CP: variants seen among roughly 807,000 people sequenced by gnomAD.
The protein encoded by CP is caeruloplasmin.
A neutral mutation model predicts 122.4 loss-of-function variants in CP; 64 were observed. The observed-to-expected ratio is 0.52, with a 90% CI of 0.43 to 0.64. The LOEUF (loss-of-function observed/expected upper bound fraction) is 0.64. Among genes scored for constraint, CP ranks in the 30% least tolerant of loss-of-function variants. The probability of loss-of-function intolerance (pLI) is 0.00; values close to 1 mark genes in which losing one functional copy is unlikely to be tolerated. For synonymous variants in CP, 440 were observed against 436.4 expected (o/e 1.01, Z -0.10); for missense variants, 1,167 against 1,284.4 (o/e 0.91, Z 1.40).
chr3:149,193,705 G>A (rs1220111390), intron 9 of CP, among the ~76,000 whole-genome samples: 1 of 152,094 alleles, frequency 6.6e-6, no homozygotes, highest in Non-Finnish European at 1.5e-5. Flanking sequence ...ACCATTCCTT[G>A]TCAGCTTAAT....
chr3:149,203,224 T>C (rs1727472738), intron 6 of CP, among the ~76,000 whole-genome samples: 1 of 152,088 alleles, frequency 6.6e-6, no homozygotes, highest in Admixed American at 6.5e-5. Flanking sequence ...CTACTCTTTA[T>C]TGTGTATTAG....
intron 17 of CP, chr3:149,176,641 T>G (rs1349690025): frequency 8.2e-6 from 4 of 486,256 alleles, no homozygotes; most frequent in African/African-American, 2.0e-5. Context: ...TGAGAATGAA[T>G]TCATCAATCA....
chr3:149,182,449 C>T (rs1725847285), intron 13 of CP, among the ~76,000 whole-genome samples: 1 of 152,066 alleles, frequency 6.6e-6, no homozygotes, highest in Non-Finnish European at 1.5e-5. Flanking sequence ...CCAATCTTAG[C>T]TTGTCTCTTG....
At position 149,210,166 on chromosome 3, in the gene CP, C is replaced by T. The variant is rs386134136; in HGVS notation, c.607+1G>A. 2 of 1,613,784 alleles carry T rather than the reference C, an allele frequency of 1.2e-6. No individual in the cohort carries two copies. The highest frequency in any genetic ancestry group is 2.2e-5 in the East Asian group (1 of 44,856). ...GCATGTGCAATAAGGAGAAGATGTA[C>T]CTTTTTTACAGATTATTAAAGGTCC... On this transcript the variant is annotated splice_donor_variant, in intron 3 of 18. Coordinates refer to ENST00000264613, the MANE Select transcript of CP (RefSeq NM_000096.4). LOFTEE classifies it high-confidence loss of function.
intron 1 of CP, among the ~76,000 whole-genome samples, chr3:149,214,803 TAAC>T (rs915478363): frequency 2.6e-5 from 4 of 152,200 alleles, no homozygotes; most frequent in African/African-American, 9.7e-5. Context: ...ATATATGTCT[TAAC>T]AACAGCAAAA....
chr3:149,185,979 A>C (rs1035819819), intron 11 of CP: 1 of 174,680 alleles, frequency 5.7e-6, no homozygotes, highest in African/African-American at 2.4e-5. Context: ...TGATAAACCA[A>C]ATGAAGCCTG....
At chr3:149,176,052 T>C (rs1725395893) in intron 18 of CP, 198 bp downstream of exon 18, 7 of 589,810 alleles carry the variant, frequency 1.2e-5, no homozygotes, top group Admixed American at 2.9e-5. Flanking sequence ...AAGTACTGGC[T>C]GTCAGGAAAT....
chr3:149,166,609 C>A lies in CP; in HGVS notation c.587-559G>T, dbSNP rs149444589. Among the ~76,000 whole-genome samples the A allele has an allele frequency of 6.7e-3, 1,015 of 152,110 alleles. 5 individuals carry two copies. The highest frequency in any genetic ancestry group is 0.011 in the Non-Finnish European group (768 of 67,988). Reference sequence around the variant, plus strand: ...GTAATGTTCCATTATCTGAGTGTGCCATATGTATTTACTCATCCTTTGTTG... The same window carrying A: ...GTAATGTTCCATTATCTGAGTGTGCAATATGTATTTACTCATCCTTTGTTG... On this transcript the variant is annotated intron_variant, in intron 4 of 5. Coordinates refer to the CP transcript ENST00000479771.
intron 8 of CP, 143 bp downstream of exon 8, chr3:149,199,569 T>C: frequency 9.9e-7 from 1 of 1,008,384 alleles, no homozygotes; most frequent in African/African-American, 1.6e-5. Flanking sequence ...GGGGTTTATT[T>C]GTTTCCTGGC....
At chr3:149,208,099 T>A (rs1261199071) in intron 4 of CP, among the ~76,000 whole-genome samples, 1 of 152,158 alleles carries the variant, frequency 6.6e-6, no homozygotes, top group Non-Finnish European at 1.5e-5. Context: ...AATAGCTTTT[T>A]TTTAAAGATT....
intron 1 of CP, among the ~76,000 whole-genome samples, chr3:149,220,484 C>T (rs1294604743): frequency 1.0e-3 from 2 of 1,988 alleles, no homozygotes; most frequent in African/African-American, 3.7e-3. Context: ...CACCTTAAAA[C>T]CAGGTTAAAA....
chr3:149,221,472 C>G (rs572560179), intron 1 of CP, among the ~76,000 whole-genome samples, 175 bp downstream of exon 1: 1 of 151,916 alleles, frequency 6.6e-6, no homozygotes, highest in African/African-American at 2.4e-5. Flanking sequence ...GGGTAGTCCA[C>G]CAAATAAAAA....
intron 18 of CP, 83 bp from the exon 19 acceptor site, chr3:149,173,813 A>AT: frequency 1.5e-6 from 1 of 666,110 alleles, no homozygotes; most frequent in East Asian, 2.9e-5. Flanking sequence ...ATGTATTCCA[A>AT]TTTTTAATGT....
Position 149,188,091 on chromosome 3 carries a change from T to C in CP, c.1825A>G (p.Lys609Glu). 2 of 1,612,234 alleles carry C rather than the reference T, an allele frequency of 1.2e-6. No individual in the cohort carries two copies. The highest frequency in any genetic ancestry group is 1.7e-6 in the Non-Finnish European group (2 of 1,179,844). The part of the protein sequence containing the change: ...MFTTAPDQVD[K>E]EDEDFQESNK... The stretch of plus-strand genomic sequence containing the variant: ...GATTCCTGAAAGTCTTCATCTTCCT[T>C]ATCCACCTGATCAGGTGCAGTTGTA... Residue 609 changes from lysine (K) to glutamate (E), a missense_variant, in exon 10 of 19, where the codon AAG becomes GAG. Lys to Glu is a moderately conservative substitution (Grantham distance 56, BLOSUM62 1). Transcript: ENST00000264613.
chr3:149,197,143 T>C (rs1347590770), intron 9 of CP, among the ~76,000 whole-genome samples: 4 of 152,076 alleles, frequency 2.6e-5, no homozygotes, highest in African/African-American at 4.8e-5. Flanking sequence ...GGCCCCACAC[T>C]TATCTCCCTT....
At position 149,207,587 on chromosome 3, in the gene CP, G is replaced by C; in HGVS notation, c.812C>G (p.Pro271Arg). ...SVNGYTFGSLPGLSMCAEDRV... is the reference protein window; with the variant it reads ...SVNGYTFGSLRGLSMCAEDRV... The stretch of plus-strand genomic sequence containing the variant: ...GTCTTCAGCACACATGGAGAGTCCT[G>C]GGAGACTTCCAAAAGTGTATCCATT... The change falls in exon 5 of 19, where the codon CCA becomes CGA. Residue 271 changes from proline to arginine, a missense_variant. Pro to Arg is a moderately radical substitution (Grantham distance 103, BLOSUM62 -2). Transcript: ENST00000264613. The C allele has an allele frequency of 6.2e-7, 1 of 1,613,898 alleles. No individual in the cohort carries two copies. Among genetic ancestry groups the C allele is most frequent in the Non-Finnish European group, 8.5e-7 (1 of 1,179,800 alleles).
At chr3:149,163,052 A>C (rs968933734) in intron 5 of CP, among the ~76,000 whole-genome samples, 48 of 152,182 alleles carry the variant, frequency 3.2e-4, no homozygotes, top group Non-Finnish European at 5.4e-4. Context: ...AGTGGCCTAC[A>C]TTTTAAATAA....
In CP at chr3:149,178,596, A is replaced by G. The variant is rs17847022; in HGVS notation, c.2697T>C (p.Val899=). 79 of 1,613,496 alleles carry G rather than the reference A, an allele frequency of 4.9e-5. No homozygotes were observed. In the East Asian group the frequency reaches 1.7e-3, roughly 36 times the overall value. Residue 899 remains valine (V), a synonymous_variant, in exon 16 of 19, where the codon GTT becomes GTC. Coordinates refer to ENST00000264613, the MANE Select transcript of CP (RefSeq NM_000096.4). ...ATACTTTCAAGTAAGGTCTTCGACA[A>G]ACAATCAGGGGGCCAATTAATCCAC... ...LYSGLIGPLI[V]CRRPYLKVFN... is the part of the protein sequence containing the mutation.
At chr3:149,163,787 A>T in intron 5 of CP, 1 of 949,144 alleles carries the variant, frequency 1.1e-6, no homozygotes. Flanking sequence ...TGTGGAATGG[A>T]TAAGCAAGCT....
Sources: gnomAD v4.1 joint callset for allele counts (sites outside exome capture counted in the v4.1 genomes callset) on GRCh38, gnomAD v4.1.1 for gene constraint, MANE v1.5 for transcripts, NCBI Gene and HGNC (gene_info 2026-07-23, HGNC 2026-07-21) for gene names.